The following LPIN3 variants were observed in gnomAD, a reference collection of about 807,000 sequenced individuals.
LPIN3 encodes the protein lipin 3.
Under a neutral mutation model 94.7 loss-of-function variants are expected in LPIN3, and 82 were observed. The observed-to-expected ratio is 0.87, with a 90% confidence interval of 0.72 to 1.04. The LOEUF is 1.04. LPIN3 is among the 50% of genes least tolerant of loss of function. The probability of loss-of-function intolerance (pLI) is 0.00; values close to 1 mark genes in which losing one functional copy is unlikely to be tolerated. For synonymous variants in LPIN3, 418 were observed against 443.3 expected, an observed-to-expected ratio of 0.94 and a Z score of 0.72; for missense variants, 996 against 1,090.5, an observed-to-expected ratio of 0.91 and a Z score of 1.22.
intron 9 of LPIN3, 104 bp from the exon 10 acceptor site, chr20:41,352,502 C>A: frequency 9.3e-7 from 1 of 1,071,024 alleles, no homozygotes; most frequent in Non-Finnish European, 1.4e-6. Flanking sequence ...GTTACAAAGC[C>A]AACCGACAGG....
chr20:41,351,087 A>C (rs2045991995), intron 7 of LPIN3, among the ~76,000 whole-genome samples: 1 of 151,518 alleles, frequency 6.6e-6, no homozygotes. Context: ...ACAAAAAAAA[A>C]AAAATTTTTT....
intron 17 of LPIN3, 89 bp downstream of exon 17, chr20:41,358,123 G>A (rs2046279189): frequency 6.3e-7 from 1 of 1,581,476 alleles, no homozygotes; most frequent in Admixed American, 1.7e-5. Context: ...CTGGCATTAA[G>A]CTCTCAGGTG....
chr20:41,349,689 T>C (rs1330394890), intron 5 of LPIN3, 85 bp from the exon 6 acceptor site: 1 of 1,496,952 alleles, frequency 6.7e-7, no homozygotes, highest in Non-Finnish European at 9.0e-7. Context: ...TAAATATAGG[T>C]TGCACATATT....
Position 41,358,019 on chromosome 20 carries a change from TCTC to T in LPIN3, c.2178_2180del (p.Ser727del). ...ATCCTTCTGTCTCCCAGCAGCCTCT[TCTC>T]TGCCCTCCACAGGTAACCACCCCTA... On this transcript the variant is annotated inframe_deletion, in exon 17 of 20. Transcript: ENST00000373257. 6.2e-7 allele frequency: 1 copy of T among 1,605,516 alleles called. No homozygotes were observed.
rs964227837 is a variant in LPIN3 at position 41,350,654 on chromosome 20, T to A, written c.1102+257T>A. ...AGAAGGCCCCTCCGAGAAGGTGATGTTGGAGCTAAGACATGGATAATGAAG... is the reference window on the plus strand; with the variant it reads ...AGAAGGCCCCTCCGAGAAGGTGATGATGGAGCTAAGACATGGATAATGAAG... On this transcript the variant is annotated intron_variant, in intron 7 of 19. Coordinates refer to ENST00000373257, the MANE Select transcript of LPIN3 (RefSeq NM_022896.3). Among the ~76,000 whole-genome samples, 3 of 151,024 alleles carry A rather than the reference T, an allele frequency of 2.0e-5. No homozygotes were observed. The East Asian group carries it at 5.8e-4, about 29-fold the overall frequency.
In LPIN3 at chr20:41,359,508, G is replaced by A. The variant is rs927361120; in HGVS notation, c.*642G>A. 51 of 152,280 alleles carry A rather than the reference G, an allele frequency of 3.3e-4. No homozygotes were observed. The highest frequency in any genetic ancestry group is 3.4e-4 in the Non-Finnish European group (23 of 68,048). The allele number at this position is 152,280 out of a possible 1,614,324, so 9.4% of individuals were successfully genotyped here. A position where few individuals can be genotyped will look rare whatever the true frequency, so the allele number is the denominator to read the frequency against. On this transcript the variant is annotated 3_prime_UTR_variant, in exon 20 of 20. Coordinates refer to ENST00000373257, the MANE Select transcript of LPIN3 (RefSeq NM_022896.3). ...TGGGACCTTGCTGTAAGTCTTGATAGGACAGGGAGAAGAGGGAGGCCCTAC... is the reference window on the plus strand; with the variant it reads ...TGGGACCTTGCTGTAAGTCTTGATAAGACAGGGAGAAGAGGGAGGCCCTAC...
chr20:41,342,549 T>A (rs2045621758), intron 1 of LPIN3, among the ~76,000 whole-genome samples: 2 of 152,096 alleles, frequency 1.3e-5, no homozygotes, highest in African/African-American at 4.8e-5. Flanking sequence ...AGAGCTCTCC[T>A]CTGTCTGGAA....
rs2046019742 is a variant in LPIN3, at chr20:41,351,688, A to G, written c.1103-133A>G. ...AGCTAATATATCAGGCAGTGCAGAC[A>G]TGGGACATTTGTATCACTGCAGAAG... On this transcript the variant is annotated intron_variant, in intron 7 of 19. Coordinates refer to ENST00000373257, the MANE Select transcript of LPIN3 (RefSeq NM_022896.3). 4.2e-6 allele frequency: 3 copies of G among 710,272 alleles called. No individual in the cohort carries two copies. In the South Asian group the frequency reaches 5.4e-5, roughly 13 times the overall value. The allele number at this position is 710,272 out of a possible 1,614,324, so 44.0% of individuals were successfully genotyped here.
chr20:41,346,322 C>T (rs2045774664), intron 2 of LPIN3, among the ~76,000 whole-genome samples: 1 of 152,220 alleles, frequency 6.6e-6, no homozygotes, highest in Admixed American at 6.5e-5. Context: ...GTTACTTCAC[C>T]TGCACAAATG....
At chr20:41,345,744 T>C (rs974236192) in intron 1 of LPIN3, 52 bp from the exon 2 acceptor site, 1 of 1,545,288 alleles carries the variant, frequency 6.5e-7, no homozygotes, top group African/African-American at 1.4e-5. Flanking sequence ...AGGAGCTTCT[T>C]GTGGAGGAGC....
In LPIN3 at chr20:41,357,368, G is replaced by T; in HGVS notation, c.1960G>T (p.Ala654Ser). The change falls in exon 16 of 20, where the codon GCT (alanine) becomes TCT (serine). Residue 654 changes from alanine to serine, a missense_variant. Ala to Ser is a moderately conservative substitution (Grantham distance 99). Coordinates refer to ENST00000373257, the MANE Select transcript of LPIN3 (RefSeq NM_022896.3). ...DIDGTITKSDALGHILPQLGK... is the reference protein window; with the variant it reads ...DIDGTITKSDSLGHILPQLGK... The stretch of plus-strand genomic sequence containing the variant: ...CTTCCTCTCTCACTCTAGGTCAGAT[G>T]CTCTGGGCCATATCCTGCCCCAGCT... 3.7e-6 allele frequency: 6 copies of T among 1,613,968 alleles called. No homozygotes were observed. The highest frequency in any genetic ancestry group is 4.2e-6 in the Non-Finnish European group (5 of 1,179,912).
intron 17 of LPIN3, 85 bp downstream of exon 17, chr20:41,358,119 T>C: frequency 6.3e-7 from 1 of 1,579,556 alleles, no homozygotes; most frequent in Non-Finnish European, 8.6e-7. Flanking sequence ...CAGGCTGGCA[T>C]TAAGCTCTCA....
rs1448479094 is a variant in LPIN3 at position 41,347,556 on chromosome 20, A to G, written c.197A>G (p.Asp66Gly). The G allele has an allele frequency of 6.2e-7, 1 of 1,614,144 alleles. No individual in the cohort carries two copies. The highest frequency in any genetic ancestry group is 2.2e-5 in the East Asian group (1 of 44,888). ...GCCACCGCTTTCCATTTGCAGGTAG[A>G]CATTGAGCTCAATGGGGAGCCTGTG... The part of the protein sequence containing the change: ...GVLRSREKVV[D>G]IELNGEPVDL... Residue 66 changes from aspartate (D) to glycine (G), a missense_variant, in exon 3 of 20, where the codon GAC becomes GGC. Coordinates refer to ENST00000373257, the MANE Select transcript of LPIN3 (RefSeq NM_022896.3).
At chr20:41,347,102 T>A (rs377403992) in intron 2 of LPIN3, among the ~76,000 whole-genome samples, 2 of 152,168 alleles carry the variant, frequency 1.3e-5, no homozygotes, top group South Asian at 2.1e-4. Context: ...AATGAGATAA[T>A]CTATAGAAAA....
At chr20:41,355,855 T>G in intron 13 of LPIN3, 41 bp from the exon 14 acceptor site, 1 of 1,609,012 alleles carries the variant, frequency 6.2e-7, no homozygotes, top group East Asian at 2.2e-5. Context: ...TGAAGGCCCT[T>G]TGGCTGGAGG....
chr20:41,347,510 G>C (rs2045824475), intron 2 of LPIN3, 42 bp from the exon 3 acceptor site: 1 of 1,591,020 alleles, frequency 6.3e-7, no homozygotes, highest in South Asian at 1.1e-5. Flanking sequence ...CGGAAGCATG[G>C]GCGTGAAGGC....
chr20:41,354,722 C>T lies in LPIN3; in HGVS notation c.1605C>T (p.Asp535=), dbSNP rs754936775. Residue 535 remains aspartate (D), a synonymous_variant, in exon 12 of 20, where the codon GAC becomes GAT. Transcript: ENST00000373257. Reference sequence around the variant, plus strand: ...GGTGGTTTTCCTGGCGACGCAGGGACTTCCTGGCCGAGGAGGTGGGTGGTC... The same window carrying T: ...GGTGGTTTTCCTGGCGACGCAGGGATTTCCTGGCCGAGGAGGTGGGTGGTC... The part of the protein sequence containing the change: ...GRWWFSWRRR[D]FLAEERSAQK... 2 of 1,608,130 alleles carry T rather than the reference C, an allele frequency of 1.2e-6. No homozygotes were observed. The highest frequency in any genetic ancestry group is 1.7e-6 in the Non-Finnish European group (2 of 1,176,380).
chr20:41,351,989 G>T (rs1391541644), intron 8 of LPIN3, 69 bp downstream of exon 8: 1 of 1,613,154 alleles, frequency 6.2e-7, no homozygotes, highest in Non-Finnish European at 8.5e-7. Context: ...ACTATCAAGG[G>T]CCTGTGAGGA....
rs370993870 is a variant in LPIN3 at position 41,350,289 on chromosome 20, C to T, written c.994C>T (p.Gln332Ter). ...CCCAGAGACAGAGGAAAGCAAGACTCAGAGCTCTGGGGACATGGGCCTCCC... is the reference window on the plus strand; with the variant it reads ...CCCAGAGACAGAGGAAAGCAAGACTTAGAGCTCTGGGGACATGGGCCTCCC... The part of the protein sequence containing the change: ...HTPETEESKT[Q>*]SSGDMGLPPA... Residue 332 changes from glutamine (Q) to a stop codon, truncating the protein, a stop_gained, in exon 7 of 20, where the codon CAG becomes TAG. Transcript: ENST00000373257. LOFTEE classifies it high-confidence loss of function. The T allele has an allele frequency of 2.0e-5, 33 of 1,613,468 alleles. No individual in the cohort carries two copies. In the African/African-American group the frequency reaches 3.9e-4, roughly 19 times the overall value.
Sources: allele counts gnomAD v4.1 joint callset (sites outside exome capture counted in the v4.1 genomes callset), GRCh38; gene constraint gnomAD v4.1.1; transcripts MANE v1.5; gene names NCBI Gene and HGNC (gene_info 2026-07-23, HGNC 2026-07-21).